The following MALRD1 variants were observed in gnomAD, a reference collection of about 807,000 sequenced individuals.
MALRD1 encodes the protein MAM and LDL receptor class A domain containing 1.
A neutral mutation model predicts 242.1 loss-of-function variants in MALRD1; 247 were observed. The observed-to-expected ratio is 1.02, with a 90% CI of 0.92 to 1.13. The LOEUF is 1.13. Ranked by LOEUF, MALRD1 falls within the 50% of genes most tolerant of loss-of-function variation. The pLI is 0.00. For synonymous variants in MALRD1, 995 were observed against 866.6 expected (o/e 1.15, Z -2.60); for missense variants, 2,989 against 2,533.1 (o/e 1.18, Z -3.86).
chr10:19,439,924 T>C (rs1834540669), intron 28 of MALRD1, among the ~76,000 whole-genome samples: 1 of 152,212 alleles, frequency 6.6e-6, no homozygotes. Context: ...ACTTACATTT[T>C]GTTTATTACA....
In MALRD1 at chr10:19,368,242, G is replaced by T. The variant is rs556499539; in HGVS notation, c.4441+15945G>T. Among the ~76,000 whole-genome samples the T allele has an allele frequency of 8.2e-4, 124 of 151,986 alleles. 1 individual carries two copies. Among genetic ancestry groups the T allele is most frequent in the African/African-American group, 3.0e-3 (123 of 41,492 alleles). On this transcript the variant is annotated intron_variant, in intron 26 of 39. Coordinates refer to ENST00000454679, the MANE Select transcript of MALRD1 (RefSeq NM_001142308.3). ...TTTCCCTTATGTTTTCTTCTAGTAG[G>T]CTTATAGTTTTGTGTCTTAAATTAG...
At chr10:19,677,632 A>G (rs1391695223) in intron 36 of MALRD1, among the ~76,000 whole-genome samples, 1 of 152,132 alleles carries the variant, frequency 6.6e-6, no homozygotes, top group Admixed American at 6.6e-5. Flanking sequence ...GTCCACTCTG[A>G]TGATACTTTC....
chr10:19,173,010 T>A lies in MALRD1; in HGVS notation c.1831-2198T>A, dbSNP rs1588651086. On this transcript the variant is annotated intron_variant, in intron 13 of 39. Transcript: ENST00000454679. ...TCATCTCTAATCAGAATCTTAAAAA[T>A]TATTATGTACATCACATTAAAATAT... 2.6e-5 allele frequency among the ~76,000 whole-genome samples: 4 copies of A among 152,070 alleles called. 1 individual carries two copies. In the South Asian group the frequency reaches 8.3e-4, roughly 31 times the overall value.
At chr10:19,094,602 A>C (rs552367179) in intron 4 of MALRD1, among the ~76,000 whole-genome samples, 3 of 152,108 alleles carry the variant, frequency 2.0e-5, no homozygotes, top group African/African-American at 7.2e-5. Context: ...CTATTTGGCC[A>C]TCTTGGCTCC....
At chr10:19,260,575 A>C (rs986557076) in intron 19 of MALRD1, among the ~76,000 whole-genome samples, 4 of 152,156 alleles carry the variant, frequency 2.6e-5, no homozygotes, top group Non-Finnish European at 1.5e-5. Flanking sequence ...GGGGTAGGGG[A>C]GATAGAAAAT....
chr10:19,449,673 C>G (rs1202542607), intron 28 of MALRD1, among the ~76,000 whole-genome samples: 1 of 151,848 alleles, frequency 6.6e-6, no homozygotes, highest in Non-Finnish European at 1.5e-5. Flanking sequence ...TTCAGTATAT[C>G]TGAAGAACAA....
At chr10:19,062,151 A>G (rs1041327358) in intron 1 of MALRD1, among the ~76,000 whole-genome samples, 2 of 152,234 alleles carry the variant, frequency 1.3e-5, no homozygotes, top group African/African-American at 4.8e-5. Context: ...ATAAATGTCC[A>G]ATAAGCACAT....
chr10:19,299,059 A>G (rs1841831956), intron 21 of MALRD1, among the ~76,000 whole-genome samples: 1 of 151,990 alleles, frequency 6.6e-6, no homozygotes, highest in Non-Finnish European at 1.5e-5. Context: ...AGAGATGTCT[A>G]CAACCGGAAG....
At chr10:19,259,382 A>G (rs935812020) in intron 19 of MALRD1, among the ~76,000 whole-genome samples, 2 of 152,142 alleles carry the variant, frequency 1.3e-5, no homozygotes, top group African/African-American at 4.8e-5. Flanking sequence ...TGGGTAATTT[A>G]TAAAGAAAGG....
At chr10:19,600,936 G>C (rs1396135813) in intron 34 of MALRD1, among the ~76,000 whole-genome samples, 1 of 152,082 alleles carries the variant, frequency 6.6e-6, no homozygotes, top group Non-Finnish European at 1.5e-5. Flanking sequence ...CCAGGTTGGA[G>C]TACAGTGGCA....
At chr10:19,374,120 T>G (rs1221138464) in intron 26 of MALRD1, among the ~76,000 whole-genome samples, 1 of 152,230 alleles carries the variant, frequency 6.6e-6, no homozygotes, top group Non-Finnish European at 1.5e-5. Context: ...TAGCTACTTT[T>G]TTAACGTTTT....
At chr10:19,665,301 T>C (rs1841630020) in intron 36 of MALRD1, among the ~76,000 whole-genome samples, 1 of 152,114 alleles carries the variant, frequency 6.6e-6, no homozygotes. Flanking sequence ...GGTGGAAAGT[T>C]GTGGGACAAA....
intron 19 of MALRD1, among the ~76,000 whole-genome samples, chr10:19,258,812 A>G (rs1588796484): frequency 6.6e-6 from 1 of 151,980 alleles, no homozygotes; most frequent in Admixed American, 6.6e-5. Flanking sequence ...ATTTACCCTT[A>G]CCTCTCAATG....
intron 23 of MALRD1, among the ~76,000 whole-genome samples, chr10:19,330,085 C>A (rs564174492): frequency 2.0e-5 from 3 of 152,128 alleles, no homozygotes; most frequent in South Asian, 4.2e-4. Context: ...TTAAGAAAGT[C>A]ATAGTCCTTA....
rs1161289793 is a variant in MALRD1, at chr10:19,695,062, G to T, written c.6314+2508G>T. On this transcript the variant is annotated intron_variant, in intron 38 of 39. Coordinates refer to ENST00000454679, the MANE Select transcript of MALRD1 (RefSeq NM_001142308.3). ...AGAGGAAGGGTGACATCACACACCG[G>T]GGCCTGTCATGGGGTGGGGCTAGTG... 7.6e-4 allele frequency among the ~76,000 whole-genome samples: 115 copies of T among 152,078 alleles called. 1 individual carries two copies. Among genetic ancestry groups the T allele is most frequent in the Admixed American group, 7.5e-3 (115 of 15,266 alleles).
At chr10:19,412,608 G>A (rs1833321849) in intron 28 of MALRD1, among the ~76,000 whole-genome samples, 1 of 152,190 alleles carries the variant, frequency 6.6e-6, no homozygotes, top group South Asian at 2.1e-4. Context: ...GAATCTTTCA[G>A]GTGGAACCTG....
At chr10:19,670,329 C>G (rs1425272332) in intron 36 of MALRD1, among the ~76,000 whole-genome samples, 2 of 152,182 alleles carry the variant, frequency 1.3e-5, no homozygotes, top group African/African-American at 4.8e-5. Flanking sequence ...GCAAACCCAT[C>G]AGCCAGCCTT....
chr10:19,234,004 A>G (rs1174868085), intron 18 of MALRD1, among the ~76,000 whole-genome samples: 1 of 152,034 alleles, frequency 6.6e-6, no homozygotes, highest in Non-Finnish European at 1.5e-5. Context: ...TGTATATGAA[A>G]AGCAAATGTA....
chr10:19,071,514 T>C (rs1214427062), intron 2 of MALRD1, among the ~76,000 whole-genome samples: 1 of 152,106 alleles, frequency 6.6e-6, no homozygotes, highest in Non-Finnish European at 1.5e-5. Flanking sequence ...TTAAGTTCCC[T>C]ATCCCTTAAA....
Sources: gnomAD v4.1 joint callset for allele counts (sites outside exome capture counted in the v4.1 genomes callset) on GRCh38, gnomAD v4.1.1 for gene constraint, MANE v1.5 for transcripts, NCBI Gene and HGNC (gene_info 2026-07-23, HGNC 2026-07-21) for gene names.